The following VOPP1 variants were observed in gnomAD, a reference collection of about 807,000 sequenced individuals.
VOPP1 encodes VOPP1 WW domain binding protein, also known as WW domain binding protein VOPP1.
VOPP1 carries 8 observed loss-of-function variants against 23.5 expected under a neutral mutation model. The ratio of observed to expected loss-of-function variants is 0.34; its 90% CI spans 0.20 to 0.61. VOPP1 has a LOEUF of 0.61. Ranked by LOEUF, VOPP1 falls within the 20% of genes least tolerant of loss-of-function variation. The probability of loss-of-function intolerance (pLI) is 0.78; values close to 1 mark genes in which losing one functional copy is unlikely to be tolerated. For synonymous variants in VOPP1, 83 were observed against 97.3 expected, an observed-to-expected ratio of 0.85 and a Z score of 0.86; for missense variants, 174 against 238.1, an observed-to-expected ratio of 0.73 and a Z score of 1.77.
Position 55,470,801 on chromosome 7 carries a change from C to T in VOPP1, c.*2054G>A, listed in dbSNP as rs1220321691. On this transcript the variant is annotated 3_prime_UTR_variant, in exon 5 of 5. Coordinates refer to ENST00000285279, the MANE Select transcript of VOPP1 (RefSeq NM_030796.5). ...GTCTCACTCCAGGAAGTGGGCACAA[C>T]CCACCATCCACACAATGGAAACAAG... The T allele has an allele frequency of 3.3e-5, 5 of 152,222 alleles. No individual in the cohort carries two copies. The highest frequency in any genetic ancestry group is 1.5e-5 in the Non-Finnish European group (1 of 68,022). 9.4% of individuals were successfully genotyped at this position (152,222 alleles called of 1,614,324 possible). A position where few individuals can be genotyped will look rare whatever the true frequency, so the allele number is the denominator to read the frequency against.
At chr7:55,569,992 C>T (rs1409626984) in intron 1 of VOPP1, among the ~76,000 whole-genome samples, 1 of 152,132 alleles carries the variant, frequency 6.6e-6, no homozygotes, top group Non-Finnish European at 1.5e-5. Flanking sequence ...TCAGGCAGAA[C>T]AAAGGAACAA....
At chr7:55,447,171 G>A (rs1261833643) in intron 4 of VOPP1, among the ~76,000 whole-genome samples, 1 of 152,210 alleles carries the variant, frequency 6.6e-6, no homozygotes, top group African/African-American at 2.4e-5. Flanking sequence ...GAAAATGATA[G>A]GTGGCTTTTC....
rs1293458681 is a variant in VOPP1 at position 55,497,610 on chromosome 7, T to C, written c.191+3A>G. 2.6e-6 allele frequency: 4 copies of C among 1,548,154 alleles called. No homozygotes were observed. On this transcript the variant is annotated splice_donor_region_variant and intron_variant, in intron 3 of 4. Transcript: ENST00000285279. ...TAGGGAACAAGGAGGAGTTGTGACC[T>C]ACCAGAAGTACCACAGCCTCTGTAT...
chr7:55,484,899 C>T (rs896632422), intron 4 of VOPP1, among the ~76,000 whole-genome samples: 1 of 152,148 alleles, frequency 6.6e-6, no homozygotes, highest in South Asian at 2.1e-4. Flanking sequence ...GTGAGGGCAG[C>T]CCCGGGACAT....
At chr7:55,438,329 G>A (rs752454160) in intron 4 of VOPP1, among the ~76,000 whole-genome samples, 42 of 151,884 alleles carry the variant, frequency 2.8e-4, no homozygotes, top group Admixed American at 5.9e-4. Flanking sequence ...CATCAGTGAA[G>A]AAAACAGGCG....
chr7:55,529,003 G>C (rs1796342321), intron 1 of VOPP1, among the ~76,000 whole-genome samples: 1 of 152,198 alleles, frequency 6.6e-6, no homozygotes, highest in African/African-American at 2.4e-5. Context: ...TGGATGGTGT[G>C]ATTTCTTTTT....
intron 4 of VOPP1, among the ~76,000 whole-genome samples, chr7:55,461,776 A>G (rs1791506923): frequency 1.3e-5 from 2 of 152,170 alleles, no homozygotes; most frequent in African/African-American, 4.8e-5. Context: ...GTTATTACTG[A>G]TAGGTGAGGA....
intron 1 of VOPP1, among the ~76,000 whole-genome samples, chr7:55,551,987 C>G (rs932205601): frequency 6.7e-6 from 1 of 149,036 alleles, no homozygotes; most frequent in African/African-American, 2.5e-5. Flanking sequence ...TTGCAGTGAC[C>G]CTGCAGCCTG....
At chr7:55,464,550 A>G (rs1791585916) in intron 4 of VOPP1, among the ~76,000 whole-genome samples, 1 of 152,126 alleles carries the variant, frequency 6.6e-6, no homozygotes, top group South Asian at 2.1e-4. Context: ...CATGAATTCC[A>G]GTTCCCTTTG....
intron 4 of VOPP1, among the ~76,000 whole-genome samples, chr7:55,488,835 G>A (rs1411459363): frequency 6.6e-6 from 1 of 152,202 alleles, no homozygotes; most frequent in Non-Finnish European, 1.5e-5. Flanking sequence ...ACCCTGCTTT[G>A]TGCAGATGCC....
Position 55,521,133 on chromosome 7 carries a change from G to A in VOPP1, c.55-3C>T. 6.4e-7 allele frequency: 1 copy of A among 1,572,346 alleles called. No homozygotes were observed. Among genetic ancestry groups the A allele is most frequent in the Non-Finnish European group, 8.6e-7 (1 of 1,157,760 alleles). On this transcript the variant is annotated splice_polypyrimidine_tract_variant and splice_region_variant and intron_variant, in intron 1 of 4. Transcript: ENST00000285279. Reference sequence around the variant, plus strand: ...CAATGCTTTTTGGCTTCTGTGCACTGCAAATAGAAGCAAGAAAAAGTTTGT... The same window carrying A: ...CAATGCTTTTTGGCTTCTGTGCACTACAAATAGAAGCAAGAAAAAGTTTGT...
rs992252761 is a variant in VOPP1, at chr7:55,520,982, T to C, written c.113+90A>G. ...GCAGAGGCTGGGCCACGCCGGGCTT[T>C]CCCCATCCCACACCCAGAACTTTAG... On this transcript the variant is annotated intron_variant, in intron 2 of 4. Coordinates refer to ENST00000285279, the MANE Select transcript of VOPP1 (RefSeq NM_030796.5). 5.7e-6 allele frequency: 8 copies of C among 1,405,894 alleles called. No individual in the cohort carries two copies. The African/African-American group carries it at 1.0e-4, about 18-fold the overall frequency. The allele number at this position is 1,405,894 out of a possible 1,614,324, so 87.1% of individuals were successfully genotyped here. A position where few individuals can be genotyped will look rare whatever the true frequency, so the allele number is the denominator to read the frequency against.
At chr7:55,514,944 G>C (rs560737345) in intron 2 of VOPP1, among the ~76,000 whole-genome samples, 171 of 152,284 alleles carry the variant, frequency 1.1e-3, no homozygotes, top group Non-Finnish European at 2.0e-3. Flanking sequence ...TGCTGGAATG[G>C]GTTCTGCCTC....
chr7:55,538,749 C>A, intron 1 of VOPP1: 2 of 1,235,384 alleles, frequency 1.6e-6, no homozygotes, highest in Admixed American at 2.1e-5. Context: ...TATAAAGGAA[C>A]GCTTTCTAAG....
At chr7:55,478,055 G>A (rs907837689) in intron 4 of VOPP1, among the ~76,000 whole-genome samples, 3 of 152,202 alleles carry the variant, frequency 2.0e-5, no homozygotes, top group Non-Finnish European at 2.9e-5. Context: ...AAGAGCAACC[G>A]AGAGAAGGTG....
chr7:55,537,381 T>A, intron 1 of VOPP1: 1 of 1,374,008 alleles, frequency 7.3e-7, no homozygotes, highest in Non-Finnish European at 1.0e-6. Flanking sequence ...ACCACTGATT[T>A]CGTGCTCCAG....
chr7:55,473,162 G>T (rs1304227350), intron 4 of VOPP1, 117 bp from the exon 5 acceptor site: 2 of 1,440,054 alleles, frequency 1.4e-6, no homozygotes, highest in Non-Finnish European at 1.8e-6. Flanking sequence ...GACAGTGTAT[G>T]AAGGACCCAA....
intron 4 of VOPP1, among the ~76,000 whole-genome samples, chr7:55,484,266 G>A (rs941887003): frequency 6.6e-6 from 1 of 152,192 alleles, no homozygotes; most frequent in African/African-American, 2.4e-5. Context: ...GATTTCAAGA[G>A]GAGCTACTGT....
At chr7:55,486,331 C>T (rs990212484) in intron 4 of VOPP1, among the ~76,000 whole-genome samples, 8 of 152,178 alleles carry the variant, frequency 5.3e-5, no homozygotes, top group African/African-American at 1.9e-4. Context: ...ACATTAAATG[C>T]TTTCACATGG....
Sources: allele counts gnomAD v4.1 joint callset (sites outside exome capture counted in the v4.1 genomes callset), GRCh38; gene constraint gnomAD v4.1.1; transcripts MANE v1.5; gene names NCBI Gene and HGNC (gene_info 2026-07-23, HGNC 2026-07-21).